Variants in SCAPER observed in about 807,000 individuals in gnomAD.
SCAPER encodes S-phase cyclin A associated protein in the ER.
A neutral mutation model predicts 182.2 loss-of-function variants in SCAPER; 98 were observed. The ratio of observed to expected loss-of-function variants is 0.54; its 90% CI spans 0.46 to 0.64. The LOEUF is 0.64. SCAPER is among the 30% of genes least tolerant of loss of function. The probability of loss-of-function intolerance (pLI) is 0.00; values close to 1 mark genes in which losing one functional copy is unlikely to be tolerated. For missense variants in SCAPER, 1,432 were observed against 1,690.0 expected, an observed-to-expected ratio of 0.85 and a Z score of 2.68; for synonymous variants, 605 against 564.6, an observed-to-expected ratio of 1.07 and a Z score of -1.01.
chr15:76,353,722 C>T (rs558492907), intron 30 of SCAPER, among the ~76,000 whole-genome samples: 1 of 152,150 alleles, frequency 6.6e-6, no homozygotes, highest in Non-Finnish European at 1.5e-5. Context: ...GAAAAGTATC[C>T]TTTCTTTGAA....
chr15:76,465,709 C>A (rs1182628734), intron 25 of SCAPER, among the ~76,000 whole-genome samples: 1 of 152,070 alleles, frequency 6.6e-6, no homozygotes, highest in Non-Finnish European at 1.5e-5. Context: ...TCAAGTCTTA[C>A]ATTTAAGTGT....
intron 5 of SCAPER, among the ~76,000 whole-genome samples, chr15:76,823,813 C>T (rs372497297): frequency 1.3e-5 from 2 of 151,382 alleles, no homozygotes; most frequent in East Asian, 1.9e-4. Flanking sequence ...ATTTTTTAAT[C>T]AAATTCATTT....
intron 22 of SCAPER, among the ~76,000 whole-genome samples, chr15:76,619,185 T>C (rs2051784025): frequency 6.6e-6 from 1 of 152,196 alleles, no homozygotes; most frequent in Non-Finnish European, 1.5e-5. Context: ...TTTCTACTAC[T>C]TGATATAAAT....
At chr15:76,754,359 T>C (rs922293066) in intron 14 of SCAPER, among the ~76,000 whole-genome samples, 1 of 152,062 alleles carries the variant, frequency 6.6e-6, no homozygotes, top group Non-Finnish European at 1.5e-5. Flanking sequence ...CTTGTCCTTA[T>C]AAATGTTAAC....
intron 21 of SCAPER, among the ~76,000 whole-genome samples, chr15:76,646,794 C>A (rs944793000): frequency 6.6e-6 from 1 of 152,170 alleles, no homozygotes; most frequent in Non-Finnish European, 1.5e-5. Context: ...AATTTTAGAA[C>A]ACATATCCAG....
chr15:76,680,614 G>A (rs770749186), intron 20 of SCAPER, among the ~76,000 whole-genome samples: 21 of 151,954 alleles, frequency 1.4e-4, no homozygotes, highest in Non-Finnish European at 2.6e-4. Flanking sequence ...ATTAGATAAA[G>A]GCCCTTCCTT....
At position 76,540,258 on chromosome 15, in the gene SCAPER, T is replaced by G. The variant is rs114664969; in HGVS notation, c.2838+33900A>C. ...TCTACAAAAAAATAAAAATATTAGATGGGTATGGTGATGCATGCCTGTAGT... is the reference window on the plus strand; with the variant it reads ...TCTACAAAAAAATAAAAATATTAGAGGGGTATGGTGATGCATGCCTGTAGT... On this transcript the variant is annotated intron_variant, in intron 23 of 31. Coordinates refer to ENST00000563290, the MANE Select transcript of SCAPER (RefSeq NM_020843.4). Among the ~76,000 whole-genome samples the G allele has an allele frequency of 5.2e-3, 792 of 152,026 alleles. 6 individuals carry two copies. Among genetic ancestry groups the G allele is most frequent in the African/African-American group, 0.018 (747 of 41,464 alleles).
intron 19 of SCAPER, 22 bp downstream of exon 19, chr15:76,702,828 C>A (rs1311023377): frequency 2.1e-5 from 33 of 1,578,930 alleles, no homozygotes; most frequent in Non-Finnish European, 2.7e-5. Context: ...TATATCATTA[C>A]AATATTGATA....
At chr15:76,548,783 C>A (rs532477259) in intron 23 of SCAPER, among the ~76,000 whole-genome samples, 1 of 152,278 alleles carries the variant, frequency 6.6e-6, no homozygotes, top group East Asian at 1.9e-4. Flanking sequence ...ACACCTTATA[C>A]AAAAATTAAT....
At chr15:76,845,045 A>T (rs929673198) in intron 4 of SCAPER, among the ~76,000 whole-genome samples, 2 of 152,220 alleles carry the variant, frequency 1.3e-5, no homozygotes, top group African/African-American at 4.8e-5. Flanking sequence ...AGTGTGACTT[A>T]TCCCAGGGAT....
chr15:76,646,887 T>C (rs2054593572), intron 21 of SCAPER, among the ~76,000 whole-genome samples: 2 of 152,190 alleles, frequency 1.3e-5, no homozygotes, highest in Admixed American at 1.3e-4. Context: ...GTATCTTTAG[T>C]TTTAATTCAT....
At chr15:76,822,121 A>G (rs2067618431) in intron 5 of SCAPER, among the ~76,000 whole-genome samples, 1 of 152,224 alleles carries the variant, frequency 6.6e-6, no homozygotes, top group Non-Finnish European at 1.5e-5. Context: ...CATAGAACGT[A>G]TAAGACCAAG....
At chr15:76,706,475 C>G (rs2150825775) in intron 17 of SCAPER, among the ~76,000 whole-genome samples, 1 of 152,092 alleles carries the variant, frequency 6.6e-6, no homozygotes, top group South Asian at 2.1e-4. Context: ...TCCATAGAAG[C>G]TCAGAAATTG....
chr15:76,470,186 A>G (rs1448503847), intron 25 of SCAPER, among the ~76,000 whole-genome samples: 2 of 152,204 alleles, frequency 1.3e-5, no homozygotes, highest in Non-Finnish European at 2.9e-5. Context: ...TACTGAATCT[A>G]CTAAGTGCCA....
chr15:76,707,150 T>A (rs1170422672), intron 17 of SCAPER, among the ~76,000 whole-genome samples: 1 of 152,020 alleles, frequency 6.6e-6, no homozygotes, highest in East Asian at 1.9e-4. Context: ...GTAACTAAAA[T>A]AATTTTTTAA....
intron 24 of SCAPER, among the ~76,000 whole-genome samples, chr15:76,493,728 T>G (rs998692755): frequency 1.3e-5 from 2 of 152,206 alleles, no homozygotes; most frequent in Non-Finnish European, 2.9e-5. Flanking sequence ...ATGTTGCCTC[T>G]GGAGAAGACC....
intron 25 of SCAPER, among the ~76,000 whole-genome samples, chr15:76,438,316 T>C (rs2142609597): frequency 6.6e-6 from 1 of 151,734 alleles, no homozygotes; most frequent in Non-Finnish European, 1.5e-5. Context: ...AATATATTTA[T>C]GGGCTGTTGG....
intron 1 of SCAPER, among the ~76,000 whole-genome samples, chr15:76,899,023 A>G (rs1231101790): frequency 1.3e-5 from 2 of 152,252 alleles, no homozygotes; most frequent in African/African-American, 2.4e-5. Flanking sequence ...GATATTTGCC[A>G]TAACTAAGTA....
chr15:76,652,821 A>G (rs565767369), intron 21 of SCAPER, among the ~76,000 whole-genome samples: 2 of 152,170 alleles, frequency 1.3e-5, no homozygotes, highest in South Asian at 2.1e-4. Flanking sequence ...GGAACAAGAC[A>G]AGGACTCCCA....
Sources: allele counts gnomAD v4.1 joint callset (sites outside exome capture counted in the v4.1 genomes callset), GRCh38; gene constraint gnomAD v4.1.1; transcripts MANE v1.5; gene names NCBI Gene and HGNC (gene_info 2026-07-23, HGNC 2026-07-21).